DCC: variants seen among roughly 807,000 people sequenced by gnomAD.
The protein encoded by DCC is DCC netrin 1 receptor.
DCC carries 58 observed loss-of-function variants against 172.5 expected under a neutral mutation model. That is an observed-to-expected ratio of 0.34 (90% CI 0.27 to 0.42). DCC has a LOEUF of 0.42. Ranked by LOEUF, DCC falls within the 10% of genes least tolerant of loss-of-function variation. The pLI is 1.00. For synonymous variants in DCC, 709 were observed against 644.5 expected (o/e 1.10, Z -1.52); for missense variants, 1,740 against 1,791.0 (o/e 0.97, Z 0.51).
At chr18:52,663,495 G>A (rs761496111) in intron 1 of DCC, among the ~76,000 whole-genome samples, 3 of 152,142 alleles carry the variant, frequency 2.0e-5, no homozygotes, top group Non-Finnish European at 4.4e-5. Flanking sequence ...GCAAAAGGTT[G>A]TAGTTCTGTA....
At chr18:52,443,745 T>C (rs1160724147) in intron 1 of DCC, among the ~76,000 whole-genome samples, 1 of 152,220 alleles carries the variant, frequency 6.6e-6, no homozygotes, top group Non-Finnish European at 1.5e-5. Flanking sequence ...TTATAAAATA[T>C]ATGCTAACAA....
intron 9 of DCC, among the ~76,000 whole-genome samples, chr18:53,188,484 A>T (rs946793357): frequency 1.2e-4 from 19 of 152,162 alleles, no homozygotes; most frequent in African/African-American, 4.6e-4. Context: ...TTGTTTTGGG[A>T]TAATATGAAG....
chr18:52,357,016 G>T (rs563388357), intron 1 of DCC, among the ~76,000 whole-genome samples: 2 of 152,182 alleles, frequency 1.3e-5, no homozygotes, highest in South Asian at 2.1e-4. Flanking sequence ...AACTCCTGAT[G>T]TCAGGTGAAA....
intron 26 of DCC, 59 bp from the exon 27 acceptor site, chr18:53,499,239 C>T (rs2046065379): frequency 6.4e-7 from 1 of 1,567,160 alleles, no homozygotes; most frequent in East Asian, 2.2e-5. Flanking sequence ...GTTCCAGTGA[C>T]TTAAGGAAAA....
chr18:53,347,373 T>G (rs1338325930), intron 15 of DCC, among the ~76,000 whole-genome samples: 1 of 152,186 alleles, frequency 6.6e-6, no homozygotes, highest in Non-Finnish European at 1.5e-5. Context: ...TTTTGTATCT[T>G]GTTTAGAGCC....
intron 5 of DCC, among the ~76,000 whole-genome samples, chr18:52,931,102 G>A (rs1174658561): frequency 6.6e-6 from 1 of 151,824 alleles, no homozygotes; most frequent in East Asian, 1.9e-4. Flanking sequence ...ACTCTAGAAG[G>A]CATAATTTAC....
At chr18:53,364,528 A>G (rs980388047) in intron 15 of DCC, among the ~76,000 whole-genome samples, 1 of 152,044 alleles carries the variant, frequency 6.6e-6, no homozygotes, top group Non-Finnish European at 1.5e-5. Flanking sequence ...CATAGTACAA[A>G]ATGCAAAATG....
At chr18:53,405,627 A>G (rs920825971) in intron 19 of DCC, among the ~76,000 whole-genome samples, 12 of 152,222 alleles carry the variant, frequency 7.9e-5, no homozygotes, top group Admixed American at 7.9e-4. Flanking sequence ...ACAAAAAAGG[A>G]GGAAATTCAG....
intron 9 of DCC, among the ~76,000 whole-genome samples, chr18:53,204,575 T>C (rs1267551328): frequency 6.7e-6 from 1 of 150,294 alleles, no homozygotes; most frequent in Non-Finnish European, 1.5e-5. Flanking sequence ...GTGTTTTAGG[T>C]AAACGATTGT....
chr18:53,009,529 G>A (rs1697925833), intron 5 of DCC, among the ~76,000 whole-genome samples: 1 of 151,722 alleles, frequency 6.6e-6, no homozygotes, highest in Non-Finnish European at 1.5e-5. Context: ...GCAAGAAATT[G>A]TTAAAACTCT....
chr18:52,463,011 A>G (rs1017949490), intron 1 of DCC, among the ~76,000 whole-genome samples: 6 of 152,186 alleles, frequency 3.9e-5, no homozygotes, highest in Admixed American at 6.5e-5. Flanking sequence ...AGGCCTGTCC[A>G]CTGCGATGGC....
chr18:53,478,928 T>C (rs1057356388), intron 25 of DCC, among the ~76,000 whole-genome samples: 2 of 152,194 alleles, frequency 1.3e-5, no homozygotes, highest in Non-Finnish European at 2.9e-5. Context: ...GATCATCCCT[T>C]TGACTCATGC....
chr18:53,034,226 A>G (rs1042985241), intron 5 of DCC, among the ~76,000 whole-genome samples: 7 of 152,090 alleles, frequency 4.6e-5, no homozygotes, highest in African/African-American at 1.7e-4. Context: ...GATATCTAAT[A>G]GATATCTCAT....
At chr18:53,293,121 C>T (rs1027682924) in intron 12 of DCC, among the ~76,000 whole-genome samples, 6 of 152,196 alleles carry the variant, frequency 3.9e-5, no homozygotes, top group Non-Finnish European at 8.8e-5. Flanking sequence ...GTAATACATA[C>T]AATTGATGCT....
intron 9 of DCC, among the ~76,000 whole-genome samples, chr18:53,184,151 G>C (rs1288308635): frequency 6.6e-6 from 1 of 151,564 alleles, no homozygotes; most frequent in Non-Finnish European, 1.5e-5. Context: ...TTATAGTTTA[G>C]AACTAGCTTG....
chr18:53,202,255 G>A (rs1286014326), intron 9 of DCC, among the ~76,000 whole-genome samples: 1 of 152,012 alleles, frequency 6.6e-6, no homozygotes, highest in Non-Finnish European at 1.5e-5. Flanking sequence ...AAGAAAAGAG[G>A]TACTCCAATA....
chr18:53,111,377 T>C (rs2043328811), intron 7 of DCC, among the ~76,000 whole-genome samples: 1 of 148,690 alleles, frequency 6.7e-6, no homozygotes, highest in African/African-American at 2.5e-5. Flanking sequence ...TGTGCACATG[T>C]ACCCTAAAAC....
intron 1 of DCC, among the ~76,000 whole-genome samples, chr18:52,521,208 T>A (rs1042771574): frequency 6.6e-6 from 1 of 152,188 alleles, no homozygotes; most frequent in Non-Finnish European, 1.5e-5. Context: ...TAAGTTAATT[T>A]TTGTAATTAG....
At chr18:52,884,451 C>T (rs538539608) in intron 2 of DCC, among the ~76,000 whole-genome samples, 98 of 151,462 alleles carry the variant, frequency 6.5e-4, no homozygotes, top group African/African-American at 2.2e-3. Flanking sequence ...CTAATTCTTT[C>T]TTCTGCTCAA....
Sources: gnomAD v4.1 joint callset for allele counts (sites outside exome capture counted in the v4.1 genomes callset) on GRCh38, gnomAD v4.1.1 for gene constraint, MANE v1.5 for transcripts, NCBI Gene and HGNC (gene_info 2026-07-23, HGNC 2026-07-21) for gene names.